The following RAD51B variants were observed in gnomAD, a reference collection of about 807,000 sequenced individuals.
The protein encoded by RAD51B is RAD51 paralog B, also known as DNA repair protein RAD51 homolog 2.
RAD51B carries 38 observed loss-of-function variants against 42.2 expected under a neutral mutation model. That is an observed-to-expected ratio of 0.90 (90% CI 0.70 to 1.18). RAD51B has a LOEUF of 1.18. RAD51B is among the 50% of genes most tolerant of loss of function. RAD51B has a pLI of 0.00. For synonymous variants in RAD51B, 154 were observed against 145.2 expected, an observed-to-expected ratio of 1.06 and a Z score of -0.43; for missense variants, 373 against 400.7, an observed-to-expected ratio of 0.93 and a Z score of 0.59.
chr14:68,087,961 A>G (rs2077020819), intron 7 of RAD51B, among the ~76,000 whole-genome samples: 1 of 114,226 alleles, frequency 8.8e-6, no homozygotes, highest in Non-Finnish European at 1.6e-5. Flanking sequence ...ATAATTATAT[A>G]ATTTATTATT....
At chr14:68,668,946 C>T (rs1019485653) in intron 11 of RAD51B, among the ~76,000 whole-genome samples, 2 of 152,252 alleles carry the variant, frequency 1.3e-5, no homozygotes, top group African/African-American at 4.8e-5. Context: ...GCTTTGAGCT[C>T]ATTAAGGAAA....
intron 7 of RAD51B, among the ~76,000 whole-genome samples, chr14:67,995,386 AAACAACAACAAC>A (rs201556258): frequency 1.3e-4 from 19 of 146,658 alleles, no homozygotes; most frequent in Admixed American, 3.3e-4. Flanking sequence ...TCCATCTCAA[AAACAACAACAAC>A]AACAACAACA....
chr14:68,338,507 A>G (rs1224775995), intron 8 of RAD51B, among the ~76,000 whole-genome samples: 1 of 152,142 alleles, frequency 6.6e-6, no homozygotes, highest in East Asian at 1.9e-4. Flanking sequence ...CTGAGAGAGG[A>G]TCTGATCAGT....
intron 10 of RAD51B, among the ~76,000 whole-genome samples, chr14:68,647,964 A>G (rs1398483109): frequency 2.0e-5 from 3 of 149,196 alleles, no homozygotes; most frequent in Non-Finnish European, 4.4e-5. Context: ...GGCATGAGCC[A>G]CTGCACCCAG....
chr14:68,660,883 A>C (rs1205148318), intron 11 of RAD51B, among the ~76,000 whole-genome samples: 2 of 152,224 alleles, frequency 1.3e-5, no homozygotes, highest in East Asian at 3.8e-4. Flanking sequence ...CTGCAGGATC[A>C]AAACCCAGGA....
intron 7 of RAD51B, among the ~76,000 whole-genome samples, chr14:67,947,553 C>T (rs1454603733): frequency 6.6e-6 from 1 of 151,966 alleles, no homozygotes; most frequent in African/African-American, 2.4e-5. Flanking sequence ...CTTTAGCTTC[C>T]AAAAAGAGTT....
At chr14:68,090,067 A>G (rs2077063882) in intron 7 of RAD51B, among the ~76,000 whole-genome samples, 1 of 152,148 alleles carries the variant, frequency 6.6e-6, no homozygotes, top group African/African-American at 2.4e-5. Flanking sequence ...AGAGTGGCCA[A>G]ATTATTTTCT....
chr14:68,039,203 G>A (rs1595301025), intron 7 of RAD51B, among the ~76,000 whole-genome samples: 2 of 152,116 alleles, frequency 1.3e-5, no homozygotes, highest in Admixed American at 1.3e-4. Context: ...GCTGAGGCAG[G>A]CAGATCACAA....
At chr14:68,291,518 T>A (rs1368266000) in intron 7 of RAD51B, among the ~76,000 whole-genome samples, 1 of 152,230 alleles carries the variant, frequency 6.6e-6, no homozygotes, top group African/African-American at 2.4e-5. Context: ...ACTTTAAAAA[T>A]TAAAGTCTGA....
chr14:67,878,630 C>G (rs2042805438), intron 5 of RAD51B, among the ~76,000 whole-genome samples: 1 of 152,096 alleles, frequency 6.6e-6, no homozygotes, highest in Non-Finnish European at 1.5e-5. Flanking sequence ...GGAATTTAAA[C>G]TGGAAAATTT....
intron 7 of RAD51B, among the ~76,000 whole-genome samples, chr14:68,282,025 A>C (rs546732663): frequency 7.0e-6 from 1 of 143,666 alleles, no homozygotes; most frequent in Non-Finnish European, 1.5e-5. Context: ...CTTGTTGCCT[A>C]GGCTGGAGTG....
intron 7 of RAD51B, among the ~76,000 whole-genome samples, chr14:68,176,496 G>A (rs1400836600): frequency 1.3e-5 from 2 of 152,116 alleles, no homozygotes; most frequent in African/African-American, 2.4e-5. Flanking sequence ...CTTTACCAGC[G>A]ACTTCACCTC....
At chr14:68,675,054 G>A (rs191235193) in intron 11 of RAD51B, among the ~76,000 whole-genome samples, 5 of 152,254 alleles carry the variant, frequency 3.3e-5, no homozygotes, top group East Asian at 1.9e-4. Flanking sequence ...AAAGACAGTC[G>A]ACAGCCTAAT....
intron 2 of RAD51B, among the ~76,000 whole-genome samples, 171 bp downstream of exon 2, chr14:67,823,798 A>G (rs1367393512): frequency 1.3e-5 from 2 of 152,200 alleles, no homozygotes; most frequent in African/African-American, 4.8e-5. Context: ...TGCATTTCCA[A>G]CTGCTATTTC....
chr14:68,138,936 G>A (rs2140715930), intron 7 of RAD51B, among the ~76,000 whole-genome samples: 2 of 152,272 alleles, frequency 1.3e-5, no homozygotes, highest in East Asian at 1.9e-4. Flanking sequence ...ATTGGGAAAA[G>A]TAGCCATCTT....
At chr14:68,104,156 A>G (rs1321561943) in intron 7 of RAD51B, among the ~76,000 whole-genome samples, 1 of 152,226 alleles carries the variant, frequency 6.6e-6, no homozygotes, top group African/African-American at 2.4e-5. Flanking sequence ...TTTTACTGCT[A>G]ACAGTCTACA....
intron 4 of RAD51B, among the ~76,000 whole-genome samples, chr14:67,850,053 A>G (rs2041753285): frequency 6.6e-6 from 1 of 152,112 alleles, no homozygotes; most frequent in Non-Finnish European, 1.5e-5. Context: ...AGGCTGAAGT[A>G]CAGTGAATCA....
intron 10 of RAD51B, among the ~76,000 whole-genome samples, chr14:68,603,108 A>G (rs972362690): frequency 1.3e-5 from 2 of 152,116 alleles, no homozygotes; most frequent in Non-Finnish European, 2.9e-5. Context: ...CTCTCCCTCT[A>G]GTGTCTCAAG....
intron 8 of RAD51B, among the ~76,000 whole-genome samples, chr14:68,314,904 T>C (rs888292896): frequency 5.3e-5 from 8 of 152,232 alleles, no homozygotes; most frequent in Admixed American, 5.2e-4. Flanking sequence ...AAACGGCAGC[T>C]AGTGACACTT....
Sources: gnomAD v4.1 joint callset for allele counts (sites outside exome capture counted in the v4.1 genomes callset) on GRCh38, gnomAD v4.1.1 for gene constraint, MANE v1.5 for transcripts, NCBI Gene and HGNC (gene_info 2026-07-23, HGNC 2026-07-21) for gene names.